Variants in GALNT2 observed in about 807,000 individuals in gnomAD.
GALNT2 encodes the protein UDP-GalNAc:polypeptide N-acetylgalactosaminyltransferase 2.
Under a neutral mutation model 81.4 loss-of-function variants are expected in GALNT2, and 31 were observed. That is an observed-to-expected ratio of 0.38 (90% confidence interval 0.29 to 0.51). The LOEUF (loss-of-function observed/expected upper bound fraction) is 0.51. Ranked by LOEUF, GALNT2 falls within the 20% of genes least tolerant of loss-of-function variation. The probability of loss-of-function intolerance (pLI) is 0.87; values close to 1 mark genes in which losing one functional copy is unlikely to be tolerated. For synonymous variants in GALNT2, 303 were observed against 287.4 expected, an observed-to-expected ratio of 1.05 and a Z score of -0.55; for missense variants, 629 against 765.7, an observed-to-expected ratio of 0.82 and a Z score of 2.11.
chr1:230,181,154 G>A (rs1663147474), intron 2 of GALNT2, among the ~76,000 whole-genome samples: 1 of 152,110 alleles, frequency 6.6e-6, no homozygotes, highest in African/African-American at 2.4e-5. Flanking sequence ...GTGGTGAGGG[G>A]TCATCTTTGC....
At chr1:230,128,871 C>T (rs567326851) in intron 1 of GALNT2, among the ~76,000 whole-genome samples, 7 of 152,308 alleles carry the variant, frequency 4.6e-5, no homozygotes, top group East Asian at 3.9e-4. Context: ...CTTTCTGGTT[C>T]GGGGACATCT....
chr1:230,246,883 T>C (rs1014435398), intron 8 of GALNT2, among the ~76,000 whole-genome samples: 6 of 152,068 alleles, frequency 3.9e-5, no homozygotes, highest in Non-Finnish European at 5.9e-5. Flanking sequence ...CTATTCTAGA[T>C]AGACACTGGG....
intron 3 of GALNT2, among the ~76,000 whole-genome samples, chr1:230,227,014 C>A (rs1324838923): frequency 6.6e-6 from 1 of 151,670 alleles, no homozygotes; most frequent in Non-Finnish European, 1.5e-5. Context: ...TGCTGATTAA[C>A]AAAAATAGAG....
intron 1 of GALNT2, among the ~76,000 whole-genome samples, chr1:230,076,968 C>T (rs889986929): frequency 4.6e-5 from 7 of 152,122 alleles, no homozygotes; most frequent in East Asian, 1.9e-4. Context: ...AGAAAAATGA[C>T]GCACTTCAAA....
chr1:230,136,964 G>A (rs1661569251), intron 1 of GALNT2, among the ~76,000 whole-genome samples: 1 of 152,226 alleles, frequency 6.6e-6, no homozygotes, highest in African/African-American at 2.4e-5. Context: ...CAGACACACA[G>A]GCCCTGCGTG....
chr1:230,276,064 A>G (rs1666298640), intron 15 of GALNT2, among the ~76,000 whole-genome samples: 1 of 148,856 alleles, frequency 6.7e-6, no homozygotes, highest in South Asian at 2.1e-4. Flanking sequence ...ATATATACGT[A>G]TATATACATG....
rs374359790 is a variant in GALNT2 at position 230,236,029 on chromosome 1, G to C, written c.390G>C (p.Gln130His). 4.3e-6 allele frequency: 7 copies of C among 1,613,176 alleles called. No individual in the cohort carries two copies. The highest frequency in any genetic ancestry group is 5.9e-6 in the Non-Finnish European group (7 of 1,179,672). The change falls in exon 4 of 16, where the codon CAG becomes CAC. Residue 130 changes from glutamine to histidine, a missense_variant. This residue lies in a region of GALNT2 where 360 missense variants were observed against 492.8 expected (regional missense o/e 0.73). Coordinates refer to ENST00000366672, the MANE Select transcript of GALNT2 (RefSeq NM_004481.5). Reference sequence around the variant, plus strand: ...CTTCCTGCAGGTGTCAGCGGAAGCAGTGGCGGGTGGATCTGCCGGCCACCA... The same window carrying C: ...CTTCCTGCAGGTGTCAGCGGAAGCACTGGCGGGTGGATCTGCCGGCCACCA... Reference protein sequence around the residue: ...DTRHDQCQRKQWRVDLPATSV... With the variant: ...DTRHDQCQRKHWRVDLPATSV...
intron 2 of GALNT2, among the ~76,000 whole-genome samples, chr1:230,191,252 A>G (rs182010312): frequency 3.0e-4 from 45 of 152,366 alleles, no homozygotes; most frequent in Admixed American, 2.9e-3. Context: ...TCTTCAGAGC[A>G]CAGAGTGTTC....
intron 11 of GALNT2, among the ~76,000 whole-genome samples, chr1:230,255,967 G>A (rs78377761): frequency 0.055 from 8,436 of 152,192 alleles, 629 homozygotes; most frequent in East Asian, 0.22. Flanking sequence ...AGAAGTCCAA[G>A]ATCAAGGTGC....
chr1:230,143,221 G>A (rs556507766), intron 1 of GALNT2, among the ~76,000 whole-genome samples: 39 of 152,110 alleles, frequency 2.6e-4, no homozygotes, highest in Non-Finnish European at 5.3e-4. Context: ...TGAGCATCTG[G>A]GCTTTGGGCA....
chr1:230,114,269 T>C (rs2102793290), intron 1 of GALNT2, among the ~76,000 whole-genome samples: 1 of 152,176 alleles, frequency 6.6e-6, no homozygotes, highest in East Asian at 1.9e-4. Flanking sequence ...TAGTCGTTCC[T>C]TTCTCTGCTG....
chr1:230,250,433 C>G (rs749029682), intron 9 of GALNT2, 24 bp from the exon 10 acceptor site: 3 of 1,585,218 alleles, frequency 1.9e-6, no homozygotes, highest in East Asian at 4.5e-5. Context: ...TCCTCCCTCC[C>G]CCCTCTTCTT....
chr1:230,094,814 G>T (rs1306072532), intron 1 of GALNT2, among the ~76,000 whole-genome samples: 2 of 152,152 alleles, frequency 1.3e-5, no homozygotes, highest in Admixed American at 1.3e-4. Context: ...TAGGTCCCTT[G>T]TGTGTTGTTT....
upstream of GALNT2, among the ~76,000 whole-genome samples, chr1:230,064,631 C>T (rs1455831028): frequency 6.6e-6 from 1 of 152,198 alleles, no homozygotes; most frequent in Admixed American, 6.5e-5. Flanking sequence ...AATGATTCTT[C>T]CACCTCAGCC....
At position 230,243,979 on chromosome 1, in the gene GALNT2, C is replaced by T. The variant is rs962908794; in HGVS notation, c.729+552C>T. 2.6e-5 allele frequency among the ~76,000 whole-genome samples: 4 copies of T among 152,100 alleles called. No individual in the cohort carries two copies. Among genetic ancestry groups the T allele is most frequent in the Middle Eastern group, 3.4e-3 (1 of 294 alleles). ...AGGGTGATCCGCGGCTCCACTTCTG[C>T]ACCTTCTGCTTTCTAGAAACATCAT... On this transcript the variant is annotated intron_variant, in intron 7 of 15. Coordinates refer to ENST00000366672, the MANE Select transcript of GALNT2 (RefSeq NM_004481.5). The surrounding 1 kb of genome is among the most constrained non-coding windows in gnomAD (Gnocchi z 4.2).
intron 8 of GALNT2, among the ~76,000 whole-genome samples, chr1:230,248,377 A>G (rs1665440098): frequency 6.6e-6 from 1 of 152,232 alleles, no homozygotes. Flanking sequence ...ATGCAGCACC[A>G]TGAGCCATGT....
At chr1:230,147,863 G>A (rs1055825230) in intron 1 of GALNT2, among the ~76,000 whole-genome samples, 5 of 152,238 alleles carry the variant, frequency 3.3e-5, no homozygotes, top group Admixed American at 2.0e-4. Flanking sequence ...AAGAGAGCTC[G>A]TCTTTAGCTG....
At position 230,108,772 on chromosome 1, in the gene GALNT2, T is replaced by G. The variant is rs190751937; in HGVS notation, c.126+41366T>G. On this transcript the variant is annotated intron_variant, in intron 1 of 15. Coordinates refer to ENST00000366672, the MANE Select transcript of GALNT2 (RefSeq NM_004481.5). ...CGCACACTGTAGGGTATCAGTTGTT[T>G]AACTTCGTGACCGTGTGGCTGACTG... Among the ~76,000 whole-genome samples the G allele has an allele frequency of 1.7e-3, 253 of 152,352 alleles. 3 individuals are homozygous for G. The highest frequency in any genetic ancestry group is 1.6e-4 in the Non-Finnish European group (11 of 68,032).
At chr1:230,270,651 AGCGT>A (rs1666140448) in intron 14 of GALNT2, among the ~76,000 whole-genome samples, 1 of 152,170 alleles carries the variant, frequency 6.6e-6, no homozygotes, top group Admixed American at 6.5e-5. Context: ...TTTTTTGCAT[AGCGT>A]GTGACACGGA....
Sources: gnomAD v4.1 joint callset for allele counts (sites outside exome capture counted in the v4.1 genomes callset) on GRCh38, gnomAD v4.1.1 for gene constraint, gnomAD v4.1.1 regional missense constraint, Gnocchi (gnomAD v3.1) non-coding constraint, MANE v1.5 for transcripts, NCBI Gene and HGNC (gene_info 2026-07-23, HGNC 2026-07-21) for gene names.